Variants in TEX11 observed in about 807,000 individuals in gnomAD.
TEX11 encodes the protein testis-expressed protein 11.
TEX11 carries 7 observed loss-of-function variants against 84.4 expected under a neutral mutation model. The ratio of observed to expected loss-of-function variants is 0.08; its 90% CI spans 0.05 to 0.16. The LOEUF (loss-of-function observed/expected upper bound fraction) is 0.16, where lower values mean the gene tolerates loss of function less well. TEX11 is among the 10% of genes least tolerant of loss of function. TEX11 has a pLI of 1.00. For missense variants in TEX11, 551 were observed against 660.5 expected, an observed-to-expected ratio of 0.83 and a Z score of 1.82; for synonymous variants, 264 against 222.8, an observed-to-expected ratio of 1.18 and a Z score of -1.64.
intron 16 of TEX11, among the ~76,000 whole-genome samples, chrX:70,665,797 C>T (rs1363949446): frequency 9.0e-6 from 1 of 111,705 alleles, no homozygotes; most frequent in East Asian, 2.8e-4. Context: ...TGCGTTCTCA[C>T]CCTCAAAAGA....
intron 28 of TEX11, among the ~76,000 whole-genome samples, chrX:70,545,074 A>T (rs758378112): frequency 2.0e-3 from 217 of 108,766 alleles, no homozygotes; most frequent in African/African-American, 6.9e-3. Context: ...GTGTGGTGGC[A>T]TGCACCTATA....
At chrX:70,640,204 A>T (rs1394306756) in intron 17 of TEX11, among the ~76,000 whole-genome samples, 30 of 109,564 alleles carry the variant, frequency 2.7e-4, no homozygotes, top group African/African-American at 8.6e-4. Context: ...TGAAGCGAGA[A>T]GGAAAGTTTA....
intron 8 of TEX11, among the ~76,000 whole-genome samples, chrX:70,816,831 T>C (rs774742715): frequency 2.8e-5 from 3 of 106,475 alleles, no homozygotes; most frequent in South Asian, 4.1e-4. Flanking sequence ...GGAGTCAGAG[T>C]AGAAGGAAGA....
intron 25 of TEX11, among the ~76,000 whole-genome samples, chrX:70,585,236 C>A (rs2088838177): frequency 9.0e-6 from 1 of 111,707 alleles, no homozygotes; most frequent in African/African-American, 3.2e-5. Flanking sequence ...CAGCAATGAA[C>A]AATCTAAAGA....
chrX:70,843,421 C>T (rs1022282022), intron 7 of TEX11, among the ~76,000 whole-genome samples: 3 of 111,825 alleles, frequency 2.7e-5, no homozygotes, highest in Admixed American at 9.5e-5. Context: ...AAAGCTGAAG[C>T]TGGATCCCTT....
chrX:70,839,052 C>A (rs1249897099), intron 7 of TEX11, among the ~76,000 whole-genome samples: 1 of 112,774 alleles, frequency 8.9e-6, no homozygotes, highest in East Asian at 2.8e-4. Flanking sequence ...TCTGTAGGCT[C>A]CACCTCTGGG....
chrX:70,860,278 T>A (rs1403530316), intron 5 of TEX11, among the ~76,000 whole-genome samples: 3 of 112,004 alleles, frequency 2.7e-5, no homozygotes, highest in Non-Finnish European at 5.6e-5. Flanking sequence ...GCATTTTACA[T>A]GGACAAATTC....
intron 24 of TEX11, among the ~76,000 whole-genome samples, chrX:70,599,627 G>A (rs1286117301): frequency 2.8e-5 from 3 of 106,511 alleles, no homozygotes; most frequent in Admixed American, 2.0e-4. Flanking sequence ...CCACTAACTC[G>A]TCATCTAGCA....
intron 8 of TEX11, 39 bp from the exon 9 acceptor site, chrX:70,806,829 T>C: frequency 9.8e-7 from 1 of 1,019,043 alleles, no homozygotes; most frequent in Non-Finnish European, 1.3e-6. Context: ...CATGATTTCC[T>C]TAAATCCCAA....
intron 13 of TEX11, among the ~76,000 whole-genome samples, chrX:70,689,051 T>C (rs1302897913): frequency 9.1e-6 from 1 of 110,215 alleles, no homozygotes; most frequent in Non-Finnish European, 1.9e-5. Flanking sequence ...ACAATTCTGA[T>C]ACTGCTTTAC....
chrX:70,621,565 TATATATATATATAA>T lies in TEX11; in HGVS notation c.1751+2371_1751+2384del, dbSNP rs1473373427. Among the ~76,000 whole-genome samples, 89 of 55,526 alleles carry T rather than the reference TATATATATATATAA, an allele frequency of 1.6e-3. 3 individuals are homozygous for T. The highest frequency in any genetic ancestry group is 2.6e-3 in the Non-Finnish European group (80 of 30,933). The allele number at this position is 55,526 out of a possible 115,157, so 48.2% of individuals were successfully genotyped here. On this transcript the variant is annotated intron_variant, in intron 20 of 29. Transcript: ENST00000374333. Reference sequence around the variant, plus strand: ...AAAAAAAAAAAAATATATATATATATATATATATATATAAATAAAAATAAAATATTAAACTTAAA... The same window carrying T: ...AAAAAAAAAAAAATATATATATATATATAAAAATAAAATATTAAACTTAAA...
intron 4 of TEX11, among the ~76,000 whole-genome samples, chrX:70,861,934 ACAT>A (rs1178435969): frequency 9.0e-6 from 1 of 111,666 alleles, no homozygotes; most frequent in Non-Finnish European, 1.9e-5. Context: ...AAATCTCTGG[ACAT>A]CAGAATAGTT....
At chrX:70,761,805 C>G (rs2090910691) in intron 9 of TEX11, among the ~76,000 whole-genome samples, 1 of 111,574 alleles carries the variant, frequency 9.0e-6, no homozygotes, top group Admixed American at 9.5e-5. Flanking sequence ...TATCCAAATA[C>G]AAAGCAGTTA....
chrX:70,721,641 T>C (rs1195464763), intron 13 of TEX11, among the ~76,000 whole-genome samples: 1 of 111,802 alleles, frequency 8.9e-6, no homozygotes, highest in African/African-American at 3.2e-5. Flanking sequence ...GTTAGAAAAC[T>C]ATGGCCTGCA....
At chrX:70,775,139 G>A (rs1039842157) in intron 9 of TEX11, among the ~76,000 whole-genome samples, 2 of 111,739 alleles carry the variant, frequency 1.8e-5, no homozygotes, top group Non-Finnish European at 3.8e-5. Flanking sequence ...ATATCCATAT[G>A]CAGGAGAAAA....
intron 3 of TEX11, among the ~76,000 whole-genome samples, chrX:70,879,680 A>C (rs1489395321): frequency 9.0e-6 from 1 of 111,378 alleles, no homozygotes; most frequent in African/African-American, 3.3e-5. Flanking sequence ...TATTCATAAC[A>C]ACACTTGGAG....
At chrX:70,599,189 GAAAT>G (rs1248582108) in intron 24 of TEX11, among the ~76,000 whole-genome samples, 12 of 111,155 alleles carry the variant, frequency 1.1e-4, no homozygotes, top group African/African-American at 2.9e-4. Context: ...AGAAAATAAA[GAAAT>G]AAATAAATAA....
At chrX:70,750,007 T>G (rs1173096393) in intron 9 of TEX11, among the ~76,000 whole-genome samples, 1 of 110,487 alleles carries the variant, frequency 9.1e-6, no homozygotes, top group Admixed American at 9.7e-5. Context: ...GGGAGAAAAT[T>G]TTCGCAACCT....
intron 9 of TEX11, among the ~76,000 whole-genome samples, chrX:70,788,959 TATATATATATATATAGAGAG>T (rs1327879479): frequency 6.8e-5 from 3 of 44,067 alleles, no homozygotes; most frequent in African/African-American, 2.0e-4. Flanking sequence ...TATATATATA[TATATATATATATATAGAGAG>T]AGAGAGAGAG....
Sources: allele counts gnomAD v4.1 joint callset (sites outside exome capture counted in the v4.1 genomes callset), GRCh38; gene constraint gnomAD v4.1.1; transcripts MANE v1.5; gene names NCBI Gene and HGNC (gene_info 2026-07-23, HGNC 2026-07-21).